The following DUOX2 variants were observed in gnomAD, a reference collection of about 807,000 sequenced individuals.
DUOX2 encodes NADH/NADPH thyroid oxidase p138-tox.
A neutral mutation model predicts 183.3 loss-of-function variants in DUOX2; 185 were observed. The observed-to-expected ratio is 1.01, with a 90% CI of 0.90 to 1.14. The LOEUF (loss-of-function observed/expected upper bound fraction) is 1.14. Among genes scored for constraint, DUOX2 ranks in the 50% most tolerant of loss-of-function variants. The pLI is 0.00. For missense variants in DUOX2, 1,999 were observed against 2,022.9 expected, an observed-to-expected ratio of 0.99 and a Z score of 0.23; for synonymous variants, 788 against 812.4, an observed-to-expected ratio of 0.97 and a Z score of 0.51.
intron 23 of DUOX2, chr15:45,100,530 C>T: frequency 1.6e-6 from 1 of 618,722 alleles, no homozygotes; most frequent in South Asian, 2.0e-5. Flanking sequence ...CAGGAGACCC[C>T]TTACTATCAT....
chr15:45,112,740 C>T (rs766234397), intron 3 of DUOX2, 22 bp from the exon 4 acceptor site: 3 of 1,609,740 alleles, frequency 1.9e-6, no homozygotes, highest in East Asian at 2.2e-5. Flanking sequence ...GGGAGCGGGG[C>T]TCTGTCTAAG....
intron 16 of DUOX2, 24 bp downstream of exon 16, chr15:45,106,504 C>T: frequency 6.2e-7 from 1 of 1,611,780 alleles, no homozygotes; most frequent in Non-Finnish European, 8.5e-7. Flanking sequence ...TCCCTCCTCC[C>T]TCCTCTGCCC....
intron 31 of DUOX2, 141 bp downstream of exon 31, chr15:45,095,296 G>GT: frequency 6.9e-7 from 1 of 1,440,056 alleles, no homozygotes; most frequent in Non-Finnish European, 9.7e-7. Context: ...CTCCAAGTTT[G>GT]GCATCTCAAC....
At chr15:45,101,108 C>A in intron 22 of DUOX2, 97 bp downstream of exon 22, 1 of 1,158,134 alleles carries the variant, frequency 8.6e-7, no homozygotes, top group Non-Finnish European at 1.3e-6. Context: ...GGGCAAATGC[C>A]TGATTTTACC....
chr15:45,104,504 T>G (rs780975765), intron 18 of DUOX2, 139 bp from the exon 19 acceptor site: 2 of 1,188,280 alleles, frequency 1.7e-6, no homozygotes, highest in African/African-American at 1.5e-5. Flanking sequence ...TCCTTAGATA[T>G]ACTGACTGGG....
chr15:45,113,316 C>T lies in DUOX2; in HGVS notation c.70+26G>A, dbSNP rs1342367921. 3.9e-6 allele frequency: 6 copies of T among 1,553,392 alleles called. No homozygotes were observed. In the East Asian group the frequency reaches 9.7e-5, roughly 25 times the overall value. Reference sequence around the variant, plus strand: ...CTCCCAGGGATCCTGGGGAACACCCCGCCGCTAGAGGAGCCTGATACTTGC... The same window carrying T: ...CTCCCAGGGATCCTGGGGAACACCCTGCCGCTAGAGGAGCCTGATACTTGC... On this transcript the variant is annotated intron_variant, in intron 2 of 33. Transcript: ENST00000389039.
chr15:45,099,760 A>G lies in DUOX2; in HGVS notation c.3317T>C (p.Ile1106Thr), dbSNP rs772253164. 5 of 1,614,222 alleles carry G rather than the reference A, an allele frequency of 3.1e-6. No individual in the cohort carries two copies. Among genetic ancestry groups the G allele is most frequent in the Non-Finnish European group, 4.2e-6 (5 of 1,180,048 alleles). ...GAGGAAAGTCTCTCGCAGGAAGGTT[A>G]TGAGGTTGCGGCACATGGTGAGCAA... ...YILLTMCRNL[I>T]TFLRETFLNR... The change falls in exon 25 of 34, where the codon ATA becomes ACA. Residue 1106 changes from isoleucine to threonine, a missense_variant. Ile to Thr is a moderately conservative substitution (Grantham distance 89). This residue lies in a region of DUOX2 where 1,628 missense variants were observed against 1,608.6 expected (regional missense o/e 1.01). Coordinates refer to ENST00000389039, the MANE Select transcript of DUOX2 (RefSeq NM_001363711.2).
In DUOX2 at chr15:45,095,986, G is replaced by C. The variant is rs1381483960; in HGVS notation, c.3922C>G (p.Leu1308Val). 5 of 1,613,780 alleles carry C rather than the reference G, an allele frequency of 3.1e-6. No individual in the cohort carries two copies. In the East Asian group the frequency reaches 1.1e-4, roughly 36 times the overall value. Residue 1308 changes from leucine (L) to valine (V), a missense_variant, in exon 30 of 34, where the codon CTG (leucine) becomes GTG (valine). Leu to Val is a conservative substitution (Grantham distance 32). Coordinates refer to ENST00000389039, the MANE Select transcript of DUOX2 (RefSeq NM_001363711.2). ...KSGQWVRIAC[L>V]ALGTTEYHPF... ...TGGTACTCGGTGGTCCCCAGAGCCA[G>C]GCAGGCGATCCGCACCCACTGTCCT...
chr15:45,097,413 A>G (rs1323698506), intron 28 of DUOX2, 22 bp from the exon 29 acceptor site: 16 of 1,614,178 alleles, frequency 9.9e-6, no homozygotes, highest in Non-Finnish European at 1.4e-5. Flanking sequence ...GCCAGTTAGT[A>G]CAACTCAGGC....
At chr15:45,096,292 C>T (rs1893898900) in intron 29 of DUOX2, among the ~76,000 whole-genome samples, 1 of 152,134 alleles carries the variant, frequency 6.6e-6, no homozygotes, top group African/African-American at 2.4e-5. Flanking sequence ...CCTCTCTACT[C>T]CCTCTTCCCA....
chr15:45,093,016 A>C lies in DUOX2; in HGVS notation c.*1134T>G, dbSNP rs1453508506. ...TATGTCTTGACCTGGGTGGTGGTAA[A>C]ACATGTACATGATTATTTATTATAC... On this transcript the variant is annotated 3_prime_UTR_variant, in exon 34 of 34. Coordinates refer to ENST00000389039, the MANE Select transcript of DUOX2 (RefSeq NM_001363711.2). 1 of 152,192 alleles carries C rather than the reference A, an allele frequency of 6.6e-6. No homozygotes were observed. The highest frequency in any genetic ancestry group is 1.5e-5 in the Non-Finnish European group (1 of 68,038). 9.4% of individuals were successfully genotyped at this position (152,192 alleles called of 1,614,324 possible).
intron 29 of DUOX2, 133 bp downstream of exon 29, chr15:45,097,105 G>T (rs558996178): frequency 1.4e-6 from 2 of 1,416,658 alleles, no homozygotes; most frequent in Admixed American, 1.7e-5. Context: ...CCCGAGAGTG[G>T]TTTTTTGTTG....
At position 45,101,336 on chromosome 15, in the gene DUOX2, G is replaced by A. The variant is rs900037641; in HGVS notation, c.2852-62C>T. The A allele has an allele frequency of 7.1e-6, 10 of 1,404,776 alleles. No individual in the cohort carries two copies. The African/African-American group carries it at 1.3e-4, about 18-fold the overall frequency. The allele number at this position is 1,404,776 out of a possible 1,614,324, so 87.0% of individuals were successfully genotyped here. On this transcript the variant is annotated intron_variant, in intron 21 of 33. Transcript: ENST00000389039. ...ACAAGGGCAGTGGGGTAGGATGGGA[G>A]ACTGTGCCCTCCTCCCTTCTGGGAA...
Position 45,111,199 on chromosome 15 carries a change from C to T in DUOX2, c.794G>A (p.Trp265Ter). 1 of 1,272,086 alleles carries T rather than the reference C, an allele frequency of 7.9e-7. No individual in the cohort carries two copies. The highest frequency in any genetic ancestry group is 1.1e-6 in the Non-Finnish European group (1 of 927,462). 78.8% of individuals were successfully genotyped at this position (1,272,086 alleles called of 1,614,324 possible). The stretch of plus-strand genomic sequence containing the variant: ...GTGCTGGCGGGCCAGCCTCTGCGCC[C>T]ACAGGTTGTGGTAGCGGAACCAGAG... The part of the protein sequence containing the change: ...GLLWFRYHNL[W>*]AQRLARQHPD... The change falls in exon 7 of 34, where the codon TGG becomes TAG. Residue 265 changes from tryptophan to a stop codon, truncating the protein, a stop_gained. Coordinates refer to ENST00000389039, the MANE Select transcript of DUOX2 (RefSeq NM_001363711.2). LOFTEE classifies it high-confidence loss of function.
chr15:45,112,713 G>T lies in DUOX2; in HGVS notation c.166C>A (p.Arg56=), dbSNP rs767614677. The change falls in exon 4 of 34, where the codon CGG becomes AGG. Residue 56 remains arginine, a synonymous_variant. Coordinates refer to ENST00000389039, the MANE Select transcript of DUOX2 (RefSeq NM_001363711.2). The stretch of plus-strand genomic sequence containing the variant: ...TTGGCTGGTACGCGGCGCTGCAACC[G>T]GCAGCCTGCGGAGGCAGGGAGCGGG... ...RHHERGAVGC[R]LQRRVPANYA... is the part of the protein sequence containing the mutation. 1.2e-6 allele frequency: 2 copies of T among 1,611,506 alleles called. No homozygotes were observed. Among genetic ancestry groups the T allele is most frequent in the South Asian group, 2.2e-5 (2 of 91,086 alleles).
chr15:45,104,517 C>G lies in DUOX2; in HGVS notation c.2335-152G>C, dbSNP rs1051339474. On this transcript the variant is annotated intron_variant, in intron 18 of 33. Transcript: ENST00000389039. ...GATCCTTAGATATACTGACTGGGGC[C>G]TCTGTTGTCCTATAGACGGGGGAAT... 5.6e-5 allele frequency: 61 copies of G among 1,090,358 alleles called. 1 individual carries two copies. In the Middle Eastern group the frequency reaches 8.4e-4, roughly 15 times the overall value. 67.5% of individuals were successfully genotyped at this position (1,090,358 alleles called of 1,614,324 possible). A position where few individuals can be genotyped will look rare whatever the true frequency, so the allele number is the denominator to read the frequency against.
chr15:45,113,608 CAATTGGCA>C (rs1381669774), intron 1 of DUOX2, among the ~76,000 whole-genome samples, 183 bp from the exon 2 acceptor site: 1 of 152,192 alleles, frequency 6.6e-6, no homozygotes, highest in Non-Finnish European at 1.5e-5. Flanking sequence ...CTTTCCAGGA[CAATTGGCA>C]GCTCTGGAGG....
rs1444472578 is a variant in DUOX2 at position 45,105,886 on chromosome 15, C to T, written c.2149-58G>A. 1.9e-6 allele frequency: 3 copies of T among 1,601,910 alleles called. No individual in the cohort carries two copies. In the Admixed American group the frequency reaches 5.0e-5, roughly 27 times the overall value. The stretch of plus-strand genomic sequence containing the variant: ...AGCTCGCTGGACCTTCTGCTTCAGC[C>T]TCCCCTCAATGGATCTTGGGTTGAG... On this transcript the variant is annotated intron_variant, in intron 17 of 33. Coordinates refer to ENST00000389039, the MANE Select transcript of DUOX2 (RefSeq NM_001363711.2).
At position 45,095,427 on chromosome 15, in the gene DUOX2, G is replaced by A. The variant is rs1333937527; in HGVS notation, c.4239+10C>T. The A allele has an allele frequency of 1.2e-6, 2 of 1,614,050 alleles. No homozygotes were observed. Among genetic ancestry groups the A allele is most frequent in the African/African-American group, 2.7e-5 (2 of 74,936 alleles). ...ATGCCCCATTTGATGAATGAGGGAG[G>A]GATGCTCACCTTCTTACACAGCATT... On this transcript the variant is annotated intron_variant, in intron 31 of 33. Transcript: ENST00000389039.
Sources: allele counts gnomAD v4.1 joint callset (sites outside exome capture counted in the v4.1 genomes callset), GRCh38; gene constraint gnomAD v4.1.1; regional missense constraint gnomAD v4.1.1; transcripts MANE v1.5; gene names NCBI Gene and HGNC (gene_info 2026-07-23, HGNC 2026-07-21).